The following HERC3 variants were observed in gnomAD, a reference collection of about 807,000 sequenced individuals.
HERC3 encodes probable E3 ubiquitin-protein ligase HERC3.
A neutral mutation model predicts 129.9 loss-of-function variants in HERC3; 58 were observed. The ratio of observed to expected loss-of-function variants is 0.45; its 90% CI spans 0.36 to 0.56. The LOEUF is 0.56. HERC3 is among the 20% of genes least tolerant of loss of function. The pLI is 0.00. For missense variants in HERC3, 835 were observed against 1,244.2 expected (o/e 0.67, Z 4.95); for synonymous variants, 430 against 451.0 (o/e 0.95, Z 0.59).
intron 3 of HERC3, among the ~76,000 whole-genome samples, chr4:88,630,222 C>G (rs955228064): frequency 6.6e-6 from 1 of 152,116 alleles, no homozygotes; most frequent in African/African-American, 2.4e-5. Context: ...CTCCATTATT[C>G]TCCATTTCTC....
At chr4:88,545,008 A>G in the HERC3 span, among the ~76,000 whole-genome samples, 1 of 152,034 alleles carries the variant, frequency 6.6e-6, no homozygotes, top group African/African-American at 2.4e-5. Flanking sequence ...TATGTAACAA[A>G]CCTGCATGTT....
chr4:88,634,394 CT>C (rs1218079499), intron 3 of HERC3, among the ~76,000 whole-genome samples: 2 of 152,208 alleles, frequency 1.3e-5, no homozygotes, highest in Non-Finnish European at 2.9e-5. Context: ...ACCTACGCTC[CT>C]TGTGGGAGGG....
chr4:88,542,728 G>C, the HERC3 span, among the ~76,000 whole-genome samples: 2 of 152,112 alleles, frequency 1.3e-5, no homozygotes, highest in African/African-American at 4.8e-5. Flanking sequence ...ACAGCAAAAA[G>C]CTTATCCACC....
chr4:88,549,766 G>C, the HERC3 span, among the ~76,000 whole-genome samples: 1 of 151,032 alleles, frequency 6.6e-6, no homozygotes, highest in Non-Finnish European at 1.5e-5. Context: ...GTGCAGTGTC[G>C]CAATATTGGT....
intron 10 of HERC3, among the ~76,000 whole-genome samples, chr4:88,660,711 G>A (rs1311309004): frequency 1.3e-5 from 2 of 152,046 alleles, no homozygotes; most frequent in South Asian, 2.1e-4. Context: ...GGGATTGTTA[G>A]AATTGTGTGT....
chr4:88,583,983 GC>G, the HERC3 span: 1 of 152,162 alleles, frequency 6.6e-6, no homozygotes, highest in African/African-American at 2.4e-5. Context: ...TATAATTGAT[GC>G]TTTTTAAAGC....
At chr4:88,667,353 A>G in intron 12 of HERC3, 24 bp from the exon 13 acceptor site, 1 of 1,310,610 alleles carries the variant, frequency 7.6e-7, no homozygotes, top group Non-Finnish European at 1.1e-6. Context: ...TTTATTATAT[A>G]CCTTTTTGAT....
rs568595786 is a variant in HERC3, at chr4:88,641,263, G to C, written c.227-8577G>C. The stretch of plus-strand genomic sequence containing the variant: ...AATCTAAAAATATTTTGAACTGAAC[G>C]AAAATGAAAATATGGTTTATCAAAA... On this transcript the variant is annotated intron_variant, in intron 3 of 25. Coordinates refer to ENST00000402738, the MANE Select transcript of HERC3 (RefSeq NM_014606.3). Among the ~76,000 whole-genome samples, 330 of 152,246 alleles carry C rather than the reference G, an allele frequency of 2.2e-3. 1 individual carries two copies. Among genetic ancestry groups the C allele is most frequent in the Non-Finnish European group, 3.6e-3 (246 of 68,004 alleles).
chr4:88,631,595 A>T (rs1726765934), intron 3 of HERC3, among the ~76,000 whole-genome samples: 2 of 152,244 alleles, frequency 1.3e-5, no homozygotes, highest in South Asian at 4.1e-4. Flanking sequence ...AGTGTTTGAT[A>T]TGTTCAGATA....
intron 16 of HERC3, among the ~76,000 whole-genome samples, chr4:88,673,619 T>A (rs1203153339): frequency 1.3e-5 from 2 of 152,172 alleles, no homozygotes; most frequent in Non-Finnish European, 2.9e-5. Flanking sequence ...ATCTTATCAG[T>A]TCGTATGCAT....
Position 88,655,424 on chromosome 4 carries a change from G to A in HERC3, c.908+120G>A, listed in dbSNP as rs1560725567. 5.3e-6 allele frequency: 6 copies of A among 1,142,268 alleles called. No individual in the cohort carries two copies. In the East Asian group the frequency reaches 9.7e-5, roughly 18 times the overall value. 70.8% of individuals were successfully genotyped at this position (1,142,268 alleles called of 1,614,324 possible). A position where few individuals can be genotyped will look rare whatever the true frequency, so the allele number is the denominator to read the frequency against. ...TCATTTTAAGAGATCTTAACTGCAT[G>A]CACGCCTATGGTGAAATGTGGAGAA... On this transcript the variant is annotated intron_variant, in intron 8 of 25. Transcript: ENST00000402738.
chr4:88,688,948 G>A (rs138429129), intron 23 of HERC3, among the ~76,000 whole-genome samples: 16 of 152,294 alleles, frequency 1.1e-4, no homozygotes, highest in African/African-American at 3.6e-4. Flanking sequence ...AGCGGGTAGG[G>A]GGTGGGAAAG....
rs559445628 is a variant in HERC3 at position 88,674,384 on chromosome 4, G to A, written c.1912-1834G>A. ...GTACTTAAAAATACTAAGTAGGCTC[G>A]GACTCTGTAATGCCAGAACTGTTTT... On this transcript the variant is annotated intron_variant, in intron 16 of 25. Coordinates refer to ENST00000402738, the MANE Select transcript of HERC3 (RefSeq NM_014606.3). Among the ~76,000 whole-genome samples, 19 of 152,208 alleles carry A rather than the reference G, an allele frequency of 1.2e-4. No individual in the cohort carries two copies. In the South Asian group the frequency reaches 1.2e-3, roughly 10 times the overall value.
chr4:88,662,690 T>A, intron 11 of HERC3, 135 bp downstream of exon 11: 1 of 933,832 alleles, frequency 1.1e-6, no homozygotes, highest in Non-Finnish European at 1.6e-6. Context: ...TCGTGGGTTA[T>A]TTTTGGTTAC....
At chr4:88,596,116 T>C (rs1430401587) in intron 2 of HERC3, among the ~76,000 whole-genome samples, 1 of 152,170 alleles carries the variant, frequency 6.6e-6, no homozygotes, top group Non-Finnish European at 1.5e-5. Flanking sequence ...TCCAAAGTGT[T>C]AGGATTACAG....
chr4:88,613,541 C>G (rs1724582072), intron 3 of HERC3, among the ~76,000 whole-genome samples: 1 of 152,222 alleles, frequency 6.6e-6, no homozygotes, highest in Non-Finnish European at 1.5e-5. Context: ...TTTCAACCAG[C>G]TTCTCAGGTT....
the HERC3 span, among the ~76,000 whole-genome samples, chr4:88,540,444 T>G: frequency 6.6e-6 from 1 of 152,262 alleles, no homozygotes; most frequent in Admixed American, 6.5e-5. Flanking sequence ...TATGGGACTA[T>G]GTGAAAAGAC....
chr4:88,618,260 C>T (rs1725139410), intron 3 of HERC3, among the ~76,000 whole-genome samples: 1 of 152,224 alleles, frequency 6.6e-6, no homozygotes, highest in African/African-American at 2.4e-5. Context: ...GAGTGCCAGC[C>T]TGTGCTTTAT....
intron 3 of HERC3, among the ~76,000 whole-genome samples, chr4:88,625,830 T>G (rs987272283): frequency 6.7e-6 from 1 of 148,848 alleles, no homozygotes; most frequent in African/African-American, 2.6e-5. Flanking sequence ...TTCCTGATAT[T>G]TAGTGATTTT....
Sources: allele counts gnomAD v4.1 joint callset (sites outside exome capture counted in the v4.1 genomes callset), GRCh38; gene constraint gnomAD v4.1.1; transcripts MANE v1.5; gene names NCBI Gene and HGNC (gene_info 2026-07-23, HGNC 2026-07-21).